Variants in TRAPPC9 observed in about 807,000 individuals in gnomAD.
The protein encoded by TRAPPC9 is IKK2 binding protein.
In TRAPPC9, 83 loss-of-function variants were observed where a neutral mutation model predicts 124.0. The ratio of observed to expected loss-of-function variants is 0.67; its 90% CI spans 0.56 to 0.80. The LOEUF is 0.80. Ranked by LOEUF, TRAPPC9 falls within the 30% of genes least tolerant of loss-of-function variation. TRAPPC9 has a pLI of 0.00. For synonymous variants in TRAPPC9, 638 were observed against 617.5 expected, an observed-to-expected ratio of 1.03 and a Z score of -0.49; for missense variants, 1,302 against 1,508.3, an observed-to-expected ratio of 0.86 and a Z score of 2.27.
At chr8:140,269,898 A>G (rs1435848466) in intron 15 of TRAPPC9, among the ~76,000 whole-genome samples, 2 of 152,184 alleles carry the variant, frequency 1.3e-5, no homozygotes, top group African/African-American at 4.8e-5. Context: ...CAGGAGTTCA[A>G]GACCAGCCTG....
chr8:140,272,425 G>A (rs1013960204), intron 15 of TRAPPC9, among the ~76,000 whole-genome samples: 7 of 150,868 alleles, frequency 4.6e-5, no homozygotes, highest in African/African-American at 1.2e-4. Flanking sequence ...TGGTGATGGT[G>A]GTGATGGTAG....
intron 21 of TRAPPC9, among the ~76,000 whole-genome samples, chr8:139,829,232 G>A (rs951566168): frequency 6.6e-6 from 1 of 152,194 alleles, no homozygotes; most frequent in East Asian, 1.9e-4. Context: ...CTCTCTCTTC[G>A]CTCTACGAAC....
chr8:140,097,173 A>G lies in TRAPPC9; in HGVS notation c.2557-73094T>C, dbSNP rs1162851662. 6.6e-6 allele frequency: 1 copy of G among 152,242 alleles called. No homozygotes were observed. The highest frequency in any genetic ancestry group is 1.9e-4 in the East Asian group (1 of 5,190). The allele number at this position is 152,242 out of a possible 1,614,324, so 9.4% of individuals were successfully genotyped here. On this transcript the variant is annotated intron_variant, in intron 17 of 22. Coordinates refer to ENST00000438773, the MANE Select transcript of TRAPPC9 (RefSeq NM_001160372.4). The surrounding 1 kb of genome is among the most constrained non-coding windows in gnomAD (Gnocchi z 4.2). ...CACTGCTGCAGCAGTGCTGTCGTTG[A>G]CAAAGCAAAGACACCTGCCCTGGTC...
chr8:139,981,351 C>A (rs1375708125), intron 19 of TRAPPC9, among the ~76,000 whole-genome samples: 1 of 152,148 alleles, frequency 6.6e-6, no homozygotes, highest in African/African-American at 2.4e-5. Context: ...GGATGCTTTC[C>A]CCTTGTTTCT....
At position 140,169,366 on chromosome 8, in the gene TRAPPC9, G is replaced by A. The variant is rs146962961; in HGVS notation, c.2556+52093C>T. Among the ~76,000 whole-genome samples the A allele has an allele frequency of 3.9e-5, 6 of 152,244 alleles. No individual in the cohort carries two copies. In the East Asian group the frequency reaches 5.8e-4, roughly 15 times the overall value. On this transcript the variant is annotated intron_variant, in intron 17 of 22. Coordinates refer to ENST00000438773, the MANE Select transcript of TRAPPC9 (RefSeq NM_001160372.4). ...AATGGAAAATGCTTCAGCTGCTGTCGAATACAGCTCCTCAAACGGTTCAAC... is the reference window on the plus strand; with the variant it reads ...AATGGAAAATGCTTCAGCTGCTGTCAAATACAGCTCCTCAAACGGTTCAAC...
At chr8:140,448,574 C>T (rs2071348076) in intron 2 of TRAPPC9, among the ~76,000 whole-genome samples, 1 of 152,242 alleles carries the variant, frequency 6.6e-6, no homozygotes, top group South Asian at 2.1e-4. Flanking sequence ...AGGAGGAAGG[C>T]ATGAGTCAAG....
At chr8:140,009,845 T>A (rs1839007074) in intron 18 of TRAPPC9, among the ~76,000 whole-genome samples, 1 of 152,224 alleles carries the variant, frequency 6.6e-6, no homozygotes, top group Admixed American at 6.5e-5. Context: ...TTTGAGAGCA[T>A]GAACTCAACT....
intron 19 of TRAPPC9, among the ~76,000 whole-genome samples, chr8:139,979,797 T>C (rs1433466745): frequency 6.6e-6 from 1 of 152,084 alleles, no homozygotes; most frequent in Non-Finnish European, 1.5e-5. Context: ...CTCACAGCAC[T>C]GCCAGGGGGA....
At chr8:140,436,174 T>C (rs975994587) in intron 3 of TRAPPC9, among the ~76,000 whole-genome samples, 5 of 152,068 alleles carry the variant, frequency 3.3e-5, no homozygotes, top group Non-Finnish European at 7.4e-5. Context: ...GGTGAAACCC[T>C]GACTCTACTA....
At chr8:140,023,024 G>A (rs533093559) in intron 18 of TRAPPC9, among the ~76,000 whole-genome samples, 1 of 152,346 alleles carries the variant, frequency 6.6e-6, no homozygotes, top group African/African-American at 2.4e-5. Flanking sequence ...GCCCACTGGA[G>A]GAGGAGGGGC....
chr8:140,321,623 T>C (rs1277394038), intron 9 of TRAPPC9, among the ~76,000 whole-genome samples: 2 of 151,898 alleles, frequency 1.3e-5, no homozygotes, highest in African/African-American at 4.8e-5. Context: ...GAAGGGAGAA[T>C]TGGGCAGAGA....
intron 18 of TRAPPC9, among the ~76,000 whole-genome samples, chr8:140,009,889 G>T (rs551828192): frequency 6.3e-4 from 96 of 152,320 alleles, no homozygotes; most frequent in African/African-American, 2.2e-3. Context: ...CTAGGACAGT[G>T]CTTCGCAGAA....
At chr8:140,443,194 G>T (rs1234805573) in intron 2 of TRAPPC9, among the ~76,000 whole-genome samples, 1 of 142,998 alleles carries the variant, frequency 7.0e-6, no homozygotes, top group Non-Finnish European at 1.5e-5. Context: ...CCAGCACTTT[G>T]GGAGGCCAAG....
At chr8:140,304,284 G>A (rs187973307) in intron 10 of TRAPPC9, among the ~76,000 whole-genome samples, 210 of 152,040 alleles carry the variant, frequency 1.4e-3, no homozygotes, top group African/African-American at 4.5e-3. Context: ...TCGTAGAGAC[G>A]GAGTTTCGCC....
At chr8:140,300,411 A>G (rs1231579414) in intron 11 of TRAPPC9, 58 bp downstream of exon 11, 8 of 1,611,946 alleles carry the variant, frequency 5.0e-6, no homozygotes, top group African/African-American at 1.3e-5. Context: ...AAAATCTAGA[A>G]AAGCCATTGG....
At position 140,182,100 on chromosome 8, in the gene TRAPPC9, G is replaced by A. The variant is rs370339368; in HGVS notation, c.2556+39359C>T. 1.9e-4 allele frequency among the ~76,000 whole-genome samples: 29 copies of A among 152,204 alleles called. No individual in the cohort carries two copies. The South Asian group carries it at 6.0e-3, about 32-fold the overall frequency. On this transcript the variant is annotated intron_variant, in intron 17 of 22. Coordinates refer to ENST00000438773, the MANE Select transcript of TRAPPC9 (RefSeq NM_001160372.4). The surrounding 1 kb of genome is among the most constrained non-coding windows in gnomAD (Gnocchi z 4.0). Reference sequence around the variant, plus strand: ...TACATCAGCATACAAGCCTAGTGCTGGTTGGCAAAGTTTATCACAAGGAGG... The same window carrying A: ...TACATCAGCATACAAGCCTAGTGCTAGTTGGCAAAGTTTATCACAAGGAGG...
chr8:140,079,251 C>T lies in TRAPPC9; in HGVS notation c.2557-55172G>A, dbSNP rs557127229. 2.3e-3 allele frequency among the ~76,000 whole-genome samples: 345 copies of T among 152,244 alleles called. 3 individuals are homozygous for T. Among genetic ancestry groups the T allele is most frequent in the Admixed American group, 2.6e-3 (40 of 15,292 alleles). The stretch of plus-strand genomic sequence containing the variant: ...CTTTCCTTTATAAATTACTCAGTCT[C>T]GGGTATGTCTTTATTAGCAGAGTGA... On this transcript the variant is annotated intron_variant, in intron 17 of 22. Transcript: ENST00000438773.
chr8:139,845,366 TACGGGTTCCATA>T (rs1367335524), intron 21 of TRAPPC9, among the ~76,000 whole-genome samples: 2 of 152,154 alleles, frequency 1.3e-5, no homozygotes, highest in African/African-American at 4.8e-5. Flanking sequence ...TATAAACATA[TACGGGTTCCATA>T]AAAGCGTACG....
At chr8:140,205,885 TAGG>T (rs1343698552) in intron 17 of TRAPPC9, among the ~76,000 whole-genome samples, 5 of 152,196 alleles carry the variant, frequency 3.3e-5, no homozygotes, top group African/African-American at 1.2e-4. Context: ...TGACATTACC[TAGG>T]AGAAGTCTCT....
Sources: gnomAD v4.1 joint callset for allele counts (sites outside exome capture counted in the v4.1 genomes callset) on GRCh38, gnomAD v4.1.1 for gene constraint, Gnocchi (gnomAD v3.1) non-coding constraint, MANE v1.5 for transcripts, NCBI Gene and HGNC (gene_info 2026-07-23, HGNC 2026-07-21) for gene names.